The following ENTPD3 variants were observed in gnomAD, a reference collection of about 807,000 sequenced individuals.
The protein encoded by ENTPD3 is CD39 antigen-like 3.
Under a neutral mutation model 51.2 loss-of-function variants are expected in ENTPD3, and 60 were observed. The ratio of observed to expected loss-of-function variants is 1.17; its 90% confidence interval spans 0.95 to 1.45. ENTPD3 has a LOEUF of 1.45. Ranked by LOEUF, ENTPD3 falls within the 40% of genes most tolerant of loss-of-function variation. The pLI is 0.00. For missense variants in ENTPD3, 593 were observed against 641.1 expected, an observed-to-expected ratio of 0.93 and a Z score of 0.81; for synonymous variants, 221 against 238.4, an observed-to-expected ratio of 0.93 and a Z score of 0.67.
chr3:40,410,634 A>G (rs1955607186), intron 4 of ENTPD3, among the ~76,000 whole-genome samples: 1 of 152,112 alleles, frequency 6.6e-6, no homozygotes, highest in Admixed American at 6.6e-5. Flanking sequence ...AAGCCTCTAC[A>G]TTCAGTTAAC....
chr3:40,394,139 G>C (rs1440329310), intron 3 of ENTPD3, among the ~76,000 whole-genome samples: 2 of 151,406 alleles, frequency 1.3e-5, no homozygotes, highest in African/African-American at 2.4e-5. Context: ...TTGTGAGACG[G>C]AGTCGTGCTC....
chr3:40,424,124 G>C, intron 10 of ENTPD3, 161 bp downstream of exon 10: 1 of 985,418 alleles, frequency 1.0e-6, no homozygotes, highest in African/African-American at 1.7e-5. Context: ...AGAGGTCATG[G>C]AGAATTTAGA....
At chr3:40,403,883 A>C (rs556854565) in intron 4 of ENTPD3, among the ~76,000 whole-genome samples, 2 of 152,154 alleles carry the variant, frequency 1.3e-5, no homozygotes, top group Non-Finnish European at 2.9e-5. Context: ...TTCTGGGCTC[A>C]AGCCATCCTC....
intron 4 of ENTPD3, among the ~76,000 whole-genome samples, chr3:40,407,558 C>A (rs1012210089): frequency 6.6e-6 from 1 of 151,990 alleles, no homozygotes. Context: ...ATAGGCAAGT[C>A]GGGAGTTCGG....
intron 9 of ENTPD3, 106 bp from the exon 10 acceptor site, chr3:40,423,720 T>C (rs1307261960): frequency 3.8e-6 from 5 of 1,301,164 alleles, no homozygotes; most frequent in Admixed American, 2.2e-5. Flanking sequence ...TTTTCTATTA[T>C]GAAATTATGG....
chr3:40,409,302 ATTG>A (rs1473331895), intron 4 of ENTPD3, among the ~76,000 whole-genome samples: 1 of 152,114 alleles, frequency 6.6e-6, no homozygotes, highest in African/African-American at 2.4e-5. Flanking sequence ...TATTTATTTA[ATTG>A]TTGTTATTGT....
intron 7 of ENTPD3, among the ~76,000 whole-genome samples, chr3:40,419,038 T>C (rs1214713941): frequency 6.6e-6 from 1 of 152,204 alleles, no homozygotes; most frequent in African/African-American, 2.4e-5. Flanking sequence ...CCATCACTGG[T>C]CAAAGCTTAA....
At chr3:40,393,953 C>A (rs967203655) in intron 3 of ENTPD3, among the ~76,000 whole-genome samples, 3 of 140,430 alleles carry the variant, frequency 2.1e-5, no homozygotes, top group Non-Finnish European at 4.5e-5. Flanking sequence ...GAGGCTGAGG[C>A]AGGAGAATGG....
chr3:40,415,962 C>A lies in ENTPD3; in HGVS notation c.720C>A (p.Ser240Arg). ...GAGAGAAGATGGATCTGAACACCAG[C>A]GACATCATGCAGGTGTCCCTGTATG... ...VAGEKMDLNT[S>R]DIMQVSLYGY... The change falls in exon 7 of 11, where the codon AGC becomes AGA. Residue 240 changes from serine (S) to arginine (R), a missense_variant. Ser to Arg is a moderately radical substitution (Grantham distance 110). Transcript: ENST00000301825. 3 of 1,613,990 alleles carry A rather than the reference C, an allele frequency of 1.9e-6. No individual in the cohort carries two copies. The highest frequency in any genetic ancestry group is 2.5e-6 in the Non-Finnish European group (3 of 1,179,902).
At chr3:40,419,061 C>T in intron 7 of ENTPD3, among the ~76,000 whole-genome samples, 1 of 152,152 alleles carries the variant, frequency 6.6e-6, no homozygotes, top group East Asian at 1.9e-4. Flanking sequence ...TGTTGTTCTT[C>T]TACACTTTCC....
intron 8 of ENTPD3, 68 bp downstream of exon 8, chr3:40,423,190 C>T: frequency 6.4e-7 from 1 of 1,571,926 alleles, no homozygotes; most frequent in Middle Eastern, 1.7e-4. Flanking sequence ...TTCTGTTTCT[C>T]CTCTGCTGAC....
At position 40,411,844 on chromosome 3, in the gene ENTPD3, C is replaced by A; in HGVS notation, c.319C>A (p.Gln107Lys). ...SGISSYGNNP[Q>K]DVPRAFEECM... ...AATCTCCAGCTATGGAAATAACCCC[C>A]AAGATGTCCCCAGAGCCTTTGAGGA... The change falls in exon 5 of 11, where the codon CAA becomes AAA. Residue 107 changes from glutamine (Q) to lysine (K), a missense_variant. Gln to Lys is a moderately conservative substitution (Grantham distance 53). Coordinates refer to ENST00000301825, the MANE Select transcript of ENTPD3 (RefSeq NM_001248.4). 1 of 1,598,926 alleles carries A rather than the reference C, an allele frequency of 6.3e-7. No homozygotes were observed. The highest frequency in any genetic ancestry group is 8.5e-7 in the Non-Finnish European group (1 of 1,172,796).
intron 4 of ENTPD3, among the ~76,000 whole-genome samples, chr3:40,405,194 C>A (rs1241849126): frequency 6.6e-6 from 1 of 152,212 alleles, no homozygotes; most frequent in Non-Finnish European, 1.5e-5. Flanking sequence ...AGAAACCAGG[C>A]CACCATAGTA....
chr3:40,393,055 A>T (rs1955102238), intron 3 of ENTPD3, among the ~76,000 whole-genome samples: 1 of 151,978 alleles, frequency 6.6e-6, no homozygotes, highest in South Asian at 2.1e-4. Flanking sequence ...AGTTCTCAAC[A>T]AGTCCATCCC....
chr3:40,414,372 G>A (rs1316121033), intron 5 of ENTPD3, among the ~76,000 whole-genome samples: 1 of 152,192 alleles, frequency 6.6e-6, no homozygotes, highest in Non-Finnish European at 1.5e-5. Context: ...ACAGAGCAAT[G>A]GCAGTTAAAT....
chr3:40,389,698 GGAAA>G (rs1471037233), intron 2 of ENTPD3, among the ~76,000 whole-genome samples: 1 of 152,186 alleles, frequency 6.6e-6, no homozygotes, highest in Non-Finnish European at 1.5e-5. Context: ...CAGTTGAGAT[GGAAA>G]GAGTTAGCTG....
At chr3:40,412,061 C>A in intron 5 of ENTPD3, 99 bp downstream of exon 5, 3 of 1,202,952 alleles carry the variant, frequency 2.5e-6, no homozygotes, top group African/African-American at 1.6e-5. Context: ...GAACAACCCT[C>A]GCCCCCCAAA....
At chr3:40,416,303 T>A (rs1170446398) in intron 7 of ENTPD3, among the ~76,000 whole-genome samples, 2 of 152,170 alleles carry the variant, frequency 1.3e-5, no homozygotes, top group African/African-American at 4.8e-5. Flanking sequence ...GAGTAAGAAG[T>A]CTAGGGAAGT....
At chr3:40,394,282 T>C in intron 3 of ENTPD3, 1 of 297,102 alleles carries the variant, frequency 3.4e-6, no homozygotes, top group Non-Finnish European at 6.9e-6. Context: ...GCCCAGCTAA[T>C]TTTTTCTTGC....
Sources: gnomAD v4.1 joint callset for allele counts (sites outside exome capture counted in the v4.1 genomes callset) on GRCh38, gnomAD v4.1.1 for gene constraint, MANE v1.5 for transcripts, NCBI Gene and HGNC (gene_info 2026-07-23, HGNC 2026-07-21) for gene names.